Variants in CTNNA2 observed in about 807,000 individuals in gnomAD.
CTNNA2 encodes the protein catenin alpha-2.
Under a neutral mutation model 101.0 loss-of-function variants are expected in CTNNA2, and 42 were observed. That is an observed-to-expected ratio of 0.42 (90% CI 0.32 to 0.54). The LOEUF is 0.54. Among genes scored for constraint, CTNNA2 ranks in the 20% least tolerant of loss-of-function variants. CTNNA2 has a pLI of 0.14. For synonymous variants in CTNNA2, 450 were observed against 456.4 expected (o/e 0.99, Z 0.18); for missense variants, 871 against 1,223.1 (o/e 0.71, Z 4.29).
rs1413070814 is a variant in CTNNA2, at chr2:80,043,018, CCTTTCTTTCTTTCTTTCTTTCCTT to C, written c.1056+133243_1056+133266del. ...TTCCTTCCTTTCCTTCCTTTCTTTC[CCTTTCTTTCTTTCTTTCTTTCCTT>C]CTTTCTTTCTTTCTTTCTTTCTTTC... is the stretch of plus-strand genomic sequence containing the variant. On this transcript the variant is annotated intron_variant, in intron 7 of 18. Coordinates refer to ENST00000402739, the MANE Select transcript of CTNNA2 (RefSeq NM_001282597.3). Among the ~76,000 whole-genome samples the C allele has an allele frequency of 4.1e-4, 55 of 135,486 alleles. 2 individuals carry two copies. The highest frequency in any genetic ancestry group is 3.7e-3 in the Middle Eastern group (1 of 272). 88.9% of individuals were successfully genotyped at this position (135,486 alleles called of 152,430 possible).
chr2:80,169,418 G>A (rs1338417792), intron 7 of CTNNA2, among the ~76,000 whole-genome samples: 5 of 152,140 alleles, frequency 3.3e-5, no homozygotes, highest in Non-Finnish European at 5.9e-5. Context: ...TTTTACAAAG[G>A]TATACGTTAT....
intron 3 of CTNNA2, among the ~76,000 whole-genome samples, chr2:79,856,971 T>G (rs78562111): frequency 0.056 from 8,515 of 152,244 alleles, 375 homozygotes; most frequent in East Asian, 0.13. Context: ...AAAATAAAAA[T>G]CTATTATTGT....
chr2:80,495,506 A>G lies in CTNNA2; in HGVS notation c.1291-49476A>G, dbSNP rs74529079. On this transcript the variant is annotated intron_variant, in intron 9 of 18. Transcript: ENST00000402739. ...AAAAAAAGAAAAGGAAGAAAGAGAGAAATATTGAAGTATTAACCCCCAGTA... is the reference window on the plus strand; with the variant it reads ...AAAAAAAGAAAAGGAAGAAAGAGAGGAATATTGAAGTATTAACCCCCAGTA... 4.9e-4 allele frequency among the ~76,000 whole-genome samples: 74 copies of G among 152,330 alleles called. No individual in the cohort carries two copies. The East Asian group carries it at 0.01, about 21-fold the overall frequency.
intron 9 of CTNNA2, among the ~76,000 whole-genome samples, chr2:80,490,362 C>G (rs769962904): frequency 2.1e-4 from 29 of 139,874 alleles, no homozygotes; most frequent in Non-Finnish European, 3.5e-4. Context: ...CACAGGTTCT[C>G]AACTCTGTCA....
Position 80,574,155 on chromosome 2 carries a change from T to C in CTNNA2, c.1742-8T>C, listed in dbSNP as rs1333075525. The C allele has an allele frequency of 6.2e-7, 1 of 1,607,566 alleles. No homozygotes were observed. The highest frequency in any genetic ancestry group is 8.5e-7 in the Non-Finnish European group (1 of 1,175,882). ...TGCCTAATCCTCTGCTTTTTATTTT[T>C]AACCCAGTGATGCCACGCTTCGCTG... On this transcript the variant is annotated splice_polypyrimidine_tract_variant and splice_region_variant and intron_variant, in intron 12 of 18. Transcript: ENST00000402739.
At chr2:80,578,499 T>G (rs17019387) in intron 13 of CTNNA2, among the ~76,000 whole-genome samples, 1 of 152,160 alleles carries the variant, frequency 6.6e-6, no homozygotes, top group Non-Finnish European at 1.5e-5. Flanking sequence ...ATAGCACTCA[T>G]AGTTTTAAAA....
chr2:80,159,399 A>T (rs904950611), intron 7 of CTNNA2, among the ~76,000 whole-genome samples: 5 of 152,150 alleles, frequency 3.3e-5, no homozygotes, highest in African/African-American at 1.2e-4. Flanking sequence ...CTGAATTCTC[A>T]CCAGCATTTG....
At chr2:79,228,302 CTT>C (rs1469741374) in intron 2 of CTNNA2, among the ~76,000 whole-genome samples, 6 of 152,320 alleles carry the variant, frequency 3.9e-5, no homozygotes, top group African/African-American at 1.2e-4. Flanking sequence ...TGGTAGTTCT[CTT>C]TTAAGTTCTT....
At chr2:79,411,655 A>C (rs1204627163) in intron 4 of CTNNA2, among the ~76,000 whole-genome samples, 3 of 152,110 alleles carry the variant, frequency 2.0e-5, no homozygotes, top group Admixed American at 6.6e-5. Context: ...AAGCTTCATA[A>C]GTGAAGGAGA....
chr2:79,792,906 T>A (rs72914615), intron 3 of CTNNA2, among the ~76,000 whole-genome samples: 5,045 of 152,308 alleles, frequency 0.033, 299 homozygotes, highest in African/African-American at 0.12. Flanking sequence ...CAATGCCTTG[T>A]AATTTTATAA....
intron 3 of CTNNA2, among the ~76,000 whole-genome samples, chr2:79,815,992 C>T (rs899161843): frequency 7.4e-6 from 1 of 135,452 alleles, no homozygotes; most frequent in African/African-American, 3.3e-5. Flanking sequence ...AGGTGTATTC[C>T]TAAGTATTTT....
intron 8 of CTNNA2, among the ~76,000 whole-genome samples, chr2:80,415,008 A>G (rs1679918609): frequency 6.6e-6 from 1 of 152,162 alleles, no homozygotes; most frequent in African/African-American, 2.4e-5. Context: ...GAAAGGATCT[A>G]AATAAGGGAA....
intron 7 of CTNNA2, among the ~76,000 whole-genome samples, chr2:80,335,311 T>C (rs1197079727): frequency 6.6e-6 from 1 of 152,146 alleles, no homozygotes; most frequent in Non-Finnish European, 1.5e-5. Flanking sequence ...GAACCTCCAG[T>C]CAAATGATCA....
intron 1 of CTNNA2, among the ~76,000 whole-genome samples, chr2:79,643,343 A>G (rs1015712201): frequency 5.9e-5 from 9 of 152,098 alleles, no homozygotes; most frequent in Non-Finnish European, 1.2e-4. Flanking sequence ...CCCCACTGGC[A>G]TGTGTGGTGA....
intron 3 of CTNNA2, among the ~76,000 whole-genome samples, chr2:79,802,609 A>T (rs1265169704): frequency 6.6e-6 from 1 of 152,252 alleles, no homozygotes; most frequent in Non-Finnish European, 1.5e-5. Context: ...ATGGTAATGA[A>T]GTTGCCTTTC....
chr2:79,809,749 A>T (rs945412041), intron 3 of CTNNA2, among the ~76,000 whole-genome samples: 8 of 152,080 alleles, frequency 5.3e-5, no homozygotes, highest in Non-Finnish European at 8.8e-5. Flanking sequence ...TATCACTCTG[A>T]TGATAGTTTC....
intron 7 of CTNNA2, among the ~76,000 whole-genome samples, chr2:79,914,788 C>G (rs929331028): frequency 6.6e-6 from 1 of 151,494 alleles, no homozygotes; most frequent in Non-Finnish European, 1.5e-5. Context: ...AACTTTTTTT[C>G]AAGCCTCTTG....
chr2:79,586,427 T>A (rs1676489659), intron 1 of CTNNA2, among the ~76,000 whole-genome samples: 1 of 152,208 alleles, frequency 6.6e-6, no homozygotes, highest in South Asian at 2.1e-4. Context: ...ATTCTTTAAC[T>A]GCATGCCAGT....
intron 1 of CTNNA2, among the ~76,000 whole-genome samples, chr2:79,571,087 G>A (rs933441779): frequency 6.6e-6 from 1 of 152,092 alleles, no homozygotes; most frequent in Admixed American, 6.5e-5. Context: ...GAAAAATGTG[G>A]TTCACTAAAT....
Sources: allele counts gnomAD v4.1 joint callset (sites outside exome capture counted in the v4.1 genomes callset), GRCh38; gene constraint gnomAD v4.1.1; transcripts MANE v1.5; gene names NCBI Gene and HGNC (gene_info 2026-07-23, HGNC 2026-07-21).